The following RETREG2 variants were observed in gnomAD, a reference collection of about 807,000 sequenced individuals.
The protein encoded by RETREG2 is reticulophagy regulator 2.
In RETREG2, 21 loss-of-function variants were observed where a neutral mutation model predicts 51.6. The observed-to-expected ratio is 0.41, with a 90% CI of 0.29 to 0.59. RETREG2 has a LOEUF of 0.59. RETREG2 is among the 20% of genes least tolerant of loss of function. RETREG2 has a pLI of 0.34. For missense variants in RETREG2, 674 were observed against 646.0 expected (o/e 1.04, Z -0.47); for synonymous variants, 339 against 288.6 (o/e 1.17, Z -1.77).
In RETREG2 at chr2:219,178,397, G is replaced by A. The variant is rs1052693454; in HGVS notation, c.45G>A (p.Gly15=). 4.0e-6 allele frequency: 2 copies of A among 504,128 alleles called. No homozygotes were observed. The highest frequency in any genetic ancestry group is 3.4e-5 in the South Asian group (1 of 29,452). The allele number at this position is 504,128 out of a possible 1,614,324, so 31.2% of individuals were successfully genotyped here. ...GGGGTAACACTGGCGCGGGTGGGGG[G>A]CCGGGGATGGGCCTGAGCCTGGGCC... is the stretch of plus-strand genomic sequence containing the variant. ...GGGGNTGAGG[G]PGMGLSLGLG... The change falls in exon 1 of 9, where the codon GGG becomes GGA. Residue 15 remains glycine (G), a synonymous_variant. Transcript: ENST00000430297.
Position 219,178,913 on chromosome 2 carries a change from C to T in RETREG2, c.282-9C>T. 1 of 1,600,312 alleles carries T rather than the reference C, an allele frequency of 6.2e-7. No homozygotes were observed. The highest frequency in any genetic ancestry group is 1.7e-4 in the Middle Eastern group (1 of 6,032). On this transcript the variant is annotated splice_polypyrimidine_tract_variant and intron_variant, in intron 1 of 8. Coordinates refer to ENST00000430297, the MANE Select transcript of RETREG2 (RefSeq NM_024293.6). ...CCACTCACTGCTGAGGTGCCTGTCT[C>T]TCCCTAAGGTTGCTGTCTTCCTCGT...
At chr2:219,181,984 C>T (rs1390354284) in intron 8 of RETREG2, 29 bp from the exon 9 acceptor site, 1 of 1,606,044 alleles carries the variant, frequency 6.2e-7, no homozygotes, top group East Asian at 2.2e-5. Flanking sequence ...AGCAGCAGGC[C>T]CATTCTTAAT....
At position 219,181,218 on chromosome 2, in the gene RETREG2, C is replaced by T. The variant is rs779972512; in HGVS notation, c.784+13C>T. ...CACGACAAGAGGAGTAAGGGGCTGC[C>T]CTAAGCCAGGAGGGTGAAAGAGCGG... On this transcript the variant is annotated intron_variant, in intron 6 of 8. Transcript: ENST00000430297. The T allele has an allele frequency of 6.2e-7, 1 of 1,613,646 alleles. No individual in the cohort carries two copies. Among genetic ancestry groups the T allele is most frequent in the African/African-American group, 1.3e-5 (1 of 74,896 alleles).
intron 3 of RETREG2, 128 bp downstream of exon 3, chr2:219,179,891 AT>A (rs1293574659): frequency 4.8e-6 from 6 of 1,239,512 alleles, no homozygotes; most frequent in Non-Finnish European, 7.1e-6. Flanking sequence ...TGGGTTTTTC[AT>A]GGTCCTAGGC....
rs745858181 is a variant in RETREG2, at chr2:219,182,302, C to T, written c.1305C>T (p.Pro435=). The T allele has an allele frequency of 7.4e-6, 12 of 1,614,012 alleles. No homozygotes were observed. The South Asian group carries it at 7.7e-5, about 10-fold the overall frequency. ...GAGGACCAGTGGAGACACTGAGCCC[C>T]GAGACAGTGAGTGGTGGCCTCACTG... The part of the protein sequence containing the change: ...SPGGPVETLS[P]ETVSGGLTAL... Residue 435 remains proline (P), a synonymous_variant, in exon 9 of 9, where the codon CCC becomes CCT. Coordinates refer to ENST00000430297, the MANE Select transcript of RETREG2 (RefSeq NM_024293.6).
chr2:219,180,753 CTG>C lies in RETREG2; in HGVS notation c.640+2_640+3del. 6.2e-7 allele frequency: 1 copy of C among 1,614,024 alleles called. No individual in the cohort carries two copies. Among genetic ancestry groups the C allele is most frequent in the Non-Finnish European group, 8.5e-7 (1 of 1,179,888 alleles). On this transcript the variant is annotated splice_donor_variant and coding_sequence_variant, in exon 5 of 9. Transcript: ENST00000430297. LOFTEE classifies it high-confidence loss of function. ...CAGGGATTATGATTTCCTACATTGTCTGTGAGTAGGGTCTGTCCCTGCCCTAT... is the reference window on the plus strand; with the variant it reads ...CAGGGATTATGATTTCCTACATTGTCTGAGTAGGGTCTGTCCCTGCCCTAT...
Position 219,178,996 on chromosome 2 carries a change from T to G in RETREG2, c.356T>G (p.Leu119Arg). 1 of 1,613,830 alleles carries G rather than the reference T, an allele frequency of 6.2e-7. No homozygotes were observed. The highest frequency in any genetic ancestry group is 8.5e-7 in the Non-Finnish European group (1 of 1,179,688). ...CTTTTGGCCTATTTTCTGCTGGATCTCTGGCAGCCTCGCTTTCTCCCTGAC... is the reference window on the plus strand; with the variant it reads ...CTTTTGGCCTATTTTCTGCTGGATCGCTGGCAGCCTCGCTTTCTCCCTGAC... ...VSLLAYFLLD[L>R]WQPRFLPDVS... is the part of the protein sequence containing the mutation. The change falls in exon 2 of 9, where the codon CTC (leucine) becomes CGC (arginine). Residue 119 changes from leucine (L) to arginine (R), a missense_variant. By Grantham distance (102) the Leu-to-Arg change is moderately radical (BLOSUM62 -2). Transcript: ENST00000430297.
In RETREG2 at chr2:219,178,457, C is replaced by T; in HGVS notation, c.105C>T (p.Ala35=). ...GLGLSLGMSE[A]TSEAEEEAAT... ...GTCTGAGCCTAGGCATGAGTGAGGC[C>T]ACCAGTGAGGCAGAGGAGGAGGCGG... The change falls in exon 1 of 9, where the codon GCC becomes GCT. Residue 35 remains alanine, a synonymous_variant. Transcript: ENST00000430297. The T allele has an allele frequency of 1.2e-6, 1 of 867,694 alleles. No individual in the cohort carries two copies. The highest frequency in any genetic ancestry group is 1.8e-5 in the African/African-American group (1 of 55,732). The allele number at this position is 867,694 out of a possible 1,614,324, so 53.7% of individuals were successfully genotyped here. A position where few individuals can be genotyped will look rare whatever the true frequency, so the allele number is the denominator to read the frequency against.
chr2:219,179,720 C>CCT lies in RETREG2; in HGVS notation c.389-4_389-3dup, dbSNP rs774170471. On this transcript the variant is annotated splice_polypyrimidine_tract_variant and intron_variant, in intron 2 of 8. Transcript: ENST00000430297. ...CTACCACTCAATAATTTGCCCCCCT[C>CCT]CTCTCTCTCTAGCATCATCCCCAGA... 1.2e-6 allele frequency: 2 copies of CCT among 1,613,852 alleles called. No individual in the cohort carries two copies. Among genetic ancestry groups the CCT allele is most frequent in the South Asian group, 2.2e-5 (2 of 91,072 alleles).
chr2:219,181,271 T>C, intron 6 of RETREG2, 66 bp downstream of exon 6: 1 of 1,608,566 alleles, frequency 6.2e-7, no homozygotes, highest in African/African-American at 1.3e-5. Flanking sequence ...GTTCATGAGA[T>C]GCCCTGGAAT....
chr2:219,181,862 ACT>A lies in RETREG2; in HGVS notation c.1015+92_1015+93del, dbSNP rs1950284242. ...ACTTACTGTGCTCTCTGGCCCACTC[ACT>A]CTCTAATTCTCTCAGCTCCTAAAAG... On this transcript the variant is annotated intron_variant, in intron 8 of 8. Coordinates refer to ENST00000430297, the MANE Select transcript of RETREG2 (RefSeq NM_024293.6). 7.0e-6 allele frequency: 11 copies of A among 1,566,844 alleles called. No homozygotes were observed. In the Admixed American group the frequency reaches 1.1e-4, roughly 16 times the overall value.
Position 219,182,618 on chromosome 2 carries a change from G to A in RETREG2, c.1621G>A (p.Ala541Thr). The change falls in exon 9 of 9, where the codon GCA becomes ACA. Residue 541 changes from alanine (A) to threonine (T), a missense_variant. Physicochemically the swap from Ala to Thr is moderately conservative, Grantham distance 58. Coordinates refer to ENST00000430297, the MANE Select transcript of RETREG2 (RefSeq NM_024293.6). ...VQSDQEAQAV[A>T]EP is the part of the protein sequence containing the mutation. ...GTCAGACCAAGAAGCTCAGGCCGTG[G>A]CAGAGCCATGAGCCAGCCGTTGAGG... 6.2e-7 allele frequency: 1 copy of A among 1,613,858 alleles called. No individual in the cohort carries two copies. Among genetic ancestry groups the A allele is most frequent in the Non-Finnish European group, 8.5e-7 (1 of 1,179,804 alleles).
chr2:219,180,999 G>C, intron 5 of RETREG2, 63 bp from the exon 6 acceptor site: 1 of 1,601,454 alleles, frequency 6.2e-7, no homozygotes, highest in Non-Finnish European at 8.5e-7. Context: ...TTAGGGACCA[G>C]TTGAATGGGG....
In RETREG2 at chr2:219,183,079, A is replaced by C; in HGVS notation, c.*450A>C. 5.4e-6 allele frequency: 1 copy of C among 186,554 alleles called. No homozygotes were observed. Among genetic ancestry groups the C allele is most frequent in the Non-Finnish European group, 1.2e-5 (1 of 86,672 alleles). The allele number at this position is 186,554 out of a possible 1,614,324, so 11.6% of individuals were successfully genotyped here. A position where few individuals can be genotyped will look rare whatever the true frequency, so the allele number is the denominator to read the frequency against. On this transcript the variant is annotated 3_prime_UTR_variant, in exon 9 of 9. Coordinates refer to ENST00000430297, the MANE Select transcript of RETREG2 (RefSeq NM_024293.6). ...CTTGTCTTGTGTTCCTTTCTGCTTT[A>C]TTTCCCTGCTGTGTCCTGTCCTTAG...
Position 219,182,255 on chromosome 2 carries a change from G to T in RETREG2, c.1258G>T (p.Asp420Tyr). 6.2e-7 allele frequency: 1 copy of T among 1,614,124 alleles called. No individual in the cohort carries two copies. The highest frequency in any genetic ancestry group is 8.5e-7 in the Non-Finnish European group (1 of 1,180,008). ...CTTCAATGGGGCAGGGTCCCCCCCAGATGGAGTGAAATGCTCCCCTGGAGG... is the reference window on the plus strand; with the variant it reads ...CTTCAATGGGGCAGGGTCCCCCCCATATGGAGTGAAATGCTCCCCTGGAGG... Reference protein sequence around the residue: ...THFNGAGSPPDGVKCSPGGPV... With the variant: ...THFNGAGSPPYGVKCSPGGPV... Residue 420 changes from aspartate (D) to tyrosine (Y), a missense_variant, in exon 9 of 9, where the codon GAT (aspartate) becomes TAT (tyrosine). Physicochemically the swap from Asp to Tyr is radical, Grantham distance 160. Transcript: ENST00000430297.
At position 219,180,130 on chromosome 2, in the gene RETREG2, C is replaced by T. The variant is rs752791300; in HGVS notation, c.440C>T (p.Ala147Val). The T allele has an allele frequency of 3.7e-6, 6 of 1,614,054 alleles. No individual in the cohort carries two copies. Among genetic ancestry groups the T allele is most frequent in the Admixed American group, 1.7e-5 (1 of 60,020 alleles). Reference protein sequence around the residue: ...HSDSEGAGSGARPHLLSVPEL... With the variant: ...HSDSEGAGSGVRPHLLSVPEL... The stretch of plus-strand genomic sequence containing the variant: ...CCCAGTGAGGGTGCGGGGTCAGGCG[C>T]CCGGCCGCACCTGCTGAGTGTGCCC... Residue 147 changes from alanine to valine, a missense_variant, in exon 4 of 9, where the codon GCC (alanine) becomes GTC (valine). By Grantham distance (64) the Ala-to-Val change is moderately conservative. Coordinates refer to ENST00000430297, the MANE Select transcript of RETREG2 (RefSeq NM_024293.6).
Position 219,180,679 on chromosome 2 carries a change from C to T in RETREG2, c.565C>T (p.Arg189Ter). 1 of 1,613,814 alleles carries T rather than the reference C, an allele frequency of 6.2e-7. No individual in the cohort carries two copies. Among genetic ancestry groups the T allele is most frequent in the Non-Finnish European group, 8.5e-7 (1 of 1,179,690 alleles). ...TTGCTCTTCTCTGCAGTTCTGCGTTCGAGTCTGCTCTGGCTGTGCTGTGTT... is the reference window on the plus strand; with the variant it reads ...TTGCTCTTCTCTGCAGTTCTGCGTTTGAGTCTGCTCTGGCTGTGCTGTGTT... ...KRQNPAQFCV[R>*]VCSGCAVLAV... Residue 189 changes from arginine (R) to a stop codon, truncating the protein, a stop_gained, in exon 5 of 9, where the codon CGA becomes TGA. Coordinates refer to ENST00000430297, the MANE Select transcript of RETREG2 (RefSeq NM_024293.6). LOFTEE classifies it high-confidence loss of function.
rs551536709 is a variant in RETREG2, at chr2:219,181,529, C to G, written c.879+66C>G. 4.3e-5 allele frequency: 69 copies of G among 1,597,928 alleles called. No individual in the cohort carries two copies. The Admixed American group carries it at 4.5e-4, about 11-fold the overall frequency. ...GAGGAAAAATCTTTCTGCTTTGGAG[C>G]TGCCACCTCCAAAGGAGGTGGAAGC... On this transcript the variant is annotated intron_variant, in intron 7 of 8. Transcript: ENST00000430297.
intron 4 of RETREG2, 77 bp from the exon 5 acceptor site, chr2:219,180,593 G>A (rs1950264085): frequency 6.2e-7 from 1 of 1,608,728 alleles, no homozygotes; most frequent in Admixed American, 1.7e-5. Flanking sequence ...TCTACCAGCT[G>A]AGCAGTAGTT....
Sources: allele counts gnomAD v4.1 joint callset, GRCh38; gene constraint gnomAD v4.1.1; transcripts MANE v1.5; gene names NCBI Gene and HGNC (gene_info 2026-07-23, HGNC 2026-07-21).